Variants in KCNG4 observed in about 807,000 individuals in gnomAD.
KCNG4 encodes voltage-gated potassium channel regulatory subunit KCNG4.
A neutral mutation model predicts 28.2 loss-of-function variants in KCNG4; 30 were observed. That is an observed-to-expected ratio of 1.06 (90% CI 0.80 to 1.44). The LOEUF is 1.44. KCNG4 is among the 40% of genes most tolerant of loss of function. The pLI is 0.00. For synonymous variants in KCNG4, 375 were observed against 315.5 expected (o/e 1.19, Z -2.00); for missense variants, 879 against 712.3 (o/e 1.23, Z -2.66).
rs773643587 is a variant in KCNG4 at position 84,237,009 on chromosome 16, C to A, written c.477G>T (p.Arg159Ser). The change falls in exon 2 of 3, where the codon AGG becomes AGT. Residue 159 changes from arginine to serine, a missense_variant. By Grantham distance (110) the Arg-to-Ser change is moderately radical (BLOSUM62 -1). Transcript: ENST00000308251. ...YWGIEEAHLE[R>S]CCLRKLLRKL... is the part of the protein sequence containing the mutation. The stretch of plus-strand genomic sequence containing the variant: ...TCCTCAGCAGCTTCCGCAGGCAGCA[C>A]CTCTCCAGGTGGGCCTCCTCGATGC... 4.3e-5 allele frequency: 70 copies of A among 1,613,996 alleles called. No homozygotes were observed. Among genetic ancestry groups the A allele is most frequent in the Non-Finnish European group, 5.8e-5 (68 of 1,180,034 alleles).
At chr16:84,229,274 C>T (rs1040185995) in intron 2 of KCNG4, among the ~76,000 whole-genome samples, 4 of 148,408 alleles carry the variant, frequency 2.7e-5, no homozygotes, top group Admixed American at 2.0e-4. Flanking sequence ...GCCTGGGCAA[C>T]AGAGCAAGAC....
Position 84,234,030 on chromosome 16 carries a change from G to A in KCNG4, c.756+2700C>T, listed in dbSNP as rs1904884567. Among the ~76,000 whole-genome samples the A allele has an allele frequency of 3.9e-5, 6 of 152,280 alleles. No individual in the cohort carries two copies. In the South Asian group the frequency reaches 1.0e-3, roughly 26 times the overall value. On this transcript the variant is annotated intron_variant, in intron 2 of 2. Transcript: ENST00000308251. ...CCACGGTGTGAAATGCCAGCCTCAC[G>A]AGCGGCACTTAGGAGGCATCGGTTC...
intron 2 of KCNG4, chr16:84,235,727 T>C (rs950481843): frequency 2.0e-5 from 3 of 152,326 alleles, no homozygotes; most frequent in South Asian, 2.1e-4. Context: ...AGGAGCCAAA[T>C]AGAGCAAGCA....
rs150146918 is a variant in KCNG4, at chr16:84,237,356, C to G, written c.130G>C (p.Val44Leu). The G allele has an allele frequency of 1.9e-6, 3 of 1,563,980 alleles. No individual in the cohort carries two copies. The highest frequency in any genetic ancestry group is 1.7e-4 in the Middle Eastern group (1 of 5,800). ...PSIKGLYYRR[V>L]RKVGALDASP... is the part of the protein sequence containing the mutation. ...GCGTCCAGGGCACCCACCTTCCGCA[C>G]CCTCCGGTAGTAAAGGCCCTTGATG... is the stretch of plus-strand genomic sequence containing the variant. The change falls in exon 2 of 3, where the codon GTG becomes CTG. Residue 44 changes from valine to leucine, a missense_variant. Coordinates refer to ENST00000308251, the MANE Select transcript of KCNG4 (RefSeq NM_172347.3).
Position 84,237,436 on chromosome 16 carries a change from T to TG in KCNG4, c.49_50insC (p.Tyr17SerfsTer87). The stretch of plus-strand genomic sequence containing the variant: ...CTGACTCCAAGGGCTGTGGGAACCA[T>TG]AGTGGTGGTGTCTGGGATGCAGGCC... On this transcript the variant is annotated frameshift_variant, in exon 2 of 3. Transcript: ENST00000308251. LOFTEE classifies it high-confidence loss of function. 8.6e-6 allele frequency: 13 copies of TG among 1,511,410 alleles called. No homozygotes were observed. Among genetic ancestry groups the TG allele is most frequent in the Non-Finnish European group, 1.1e-5 (13 of 1,131,010 alleles). 93.6% of individuals were successfully genotyped at this position (1,511,410 alleles called of 1,614,324 possible). A position where few individuals can be genotyped will look rare whatever the true frequency, so the allele number is the denominator to read the frequency against.
At chr16:84,224,335 G>T (rs1163253406) in intron 2 of KCNG4, among the ~76,000 whole-genome samples, 5 of 151,868 alleles carry the variant, frequency 3.3e-5, no homozygotes, top group African/African-American at 1.2e-4. Context: ...CTGCACAGTA[G>T]AATTTTCCAG....
rs1033073336 is a variant in KCNG4, at chr16:84,222,037, C to T, written c.*180G>A. On this transcript the variant is annotated 3_prime_UTR_variant, in exon 3 of 3. Coordinates refer to ENST00000308251, the MANE Select transcript of KCNG4 (RefSeq NM_172347.3). ...GCTGGACACAGTCAGCCTGGGACAT[C>T]GGGGCCCCGAGGGACAAGGATCACA... 18 of 674,284 alleles carry T rather than the reference C, an allele frequency of 2.7e-5. 1 individual carries two copies. Among genetic ancestry groups the T allele is most frequent in the Non-Finnish European group, 4.1e-5 (16 of 394,024 alleles). The allele number at this position is 674,284 out of a possible 1,614,324, so 41.8% of individuals were successfully genotyped here. A position where few individuals can be genotyped will look rare whatever the true frequency, so the allele number is the denominator to read the frequency against.
At chr16:84,238,749 TC>T (rs1368865152) in intron 1 of KCNG4, among the ~76,000 whole-genome samples, 1 of 152,130 alleles carries the variant, frequency 6.6e-6, no homozygotes, top group East Asian at 1.9e-4. Flanking sequence ...GTACCTGTAG[TC>T]CCAGCTACTC....
At chr16:84,234,460 T>G (rs532857425) in intron 2 of KCNG4, among the ~76,000 whole-genome samples, 51 of 152,294 alleles carry the variant, frequency 3.3e-4, no homozygotes, top group African/African-American at 1.2e-3. Flanking sequence ...CTTACAGGCG[T>G]GAGCCACTGC....
chr16:84,226,714 A>G lies in KCNG4; in HGVS notation c.757-3694T>C, dbSNP rs1597617074. ...ACCAATATGGTGAAACCTTGTCGCT[A>G]CTAAAAATACAAAAATTAGCCAGGC... On this transcript the variant is annotated intron_variant, in intron 2 of 2. Coordinates refer to ENST00000308251, the MANE Select transcript of KCNG4 (RefSeq NM_172347.3). The surrounding 1 kb of genome is among the most constrained non-coding windows in gnomAD (Gnocchi z 4.1). Among the ~76,000 whole-genome samples, 1 of 151,392 alleles carries G rather than the reference A, an allele frequency of 6.6e-6. No individual in the cohort carries two copies. Among genetic ancestry groups the G allele is most frequent in the African/African-American group, 2.4e-5 (1 of 41,338 alleles).
chr16:84,224,851 C>T (rs975391095), intron 2 of KCNG4, among the ~76,000 whole-genome samples: 9 of 152,222 alleles, frequency 5.9e-5, no homozygotes, highest in Admixed American at 6.5e-5. Flanking sequence ...GAATCAGGAA[C>T]TTTCTGTGCC....
chr16:84,222,680 C>T lies in KCNG4; in HGVS notation c.1097G>A (p.Arg366His), dbSNP rs753033004. ...GLQTLGLTVR[R>H]CTREFGLLLL... ...GAGCAGGCCGAACTCACGTGTGCAA[C>T]GGCGCACGGTGAGCCCCAGCGTCTG... Residue 366 changes from arginine to histidine, a missense_variant, in exon 3 of 3, where the codon CGT becomes CAT. Transcript: ENST00000308251. 2.6e-5 allele frequency: 42 copies of T among 1,613,036 alleles called. No individual in the cohort carries two copies. Among genetic ancestry groups the T allele is most frequent in the Non-Finnish European group, 3.1e-5 (36 of 1,179,816 alleles).
intron 2 of KCNG4, among the ~76,000 whole-genome samples, chr16:84,230,542 A>C (rs1904804837): frequency 6.6e-6 from 1 of 152,122 alleles, no homozygotes; most frequent in African/African-American, 2.4e-5. Context: ...ACTGCACTCC[A>C]GCCTGGGTGA....
intron 2 of KCNG4, among the ~76,000 whole-genome samples, chr16:84,227,960 G>A (rs1050303663): frequency 6.6e-6 from 1 of 152,056 alleles, no homozygotes; most frequent in South Asian, 2.1e-4. Context: ...GCTCCACGAT[G>A]ATACTAAAGA....
intron 2 of KCNG4, chr16:84,236,257 T>G: frequency 1.2e-5 from 2 of 166,526 alleles, no homozygotes; most frequent in Non-Finnish European, 1.3e-5. Flanking sequence ...AAGGCAGGGA[T>G]TTTATGTTTT....
rs1374985780 is a variant in KCNG4, at chr16:84,226,650, G to C, written c.757-3630C>G. Among the ~76,000 whole-genome samples the C allele has an allele frequency of 1.3e-5, 2 of 151,504 alleles. No homozygotes were observed. Among genetic ancestry groups the C allele is most frequent in the African/African-American group, 4.9e-5 (2 of 41,178 alleles). ...TCCCAGCACTTTGGGAGGGCAAGGTGGGTGGATCACCTGAGGTCAGGAGTT... is the reference window on the plus strand; with the variant it reads ...TCCCAGCACTTTGGGAGGGCAAGGTCGGTGGATCACCTGAGGTCAGGAGTT... On this transcript the variant is annotated intron_variant, in intron 2 of 2. Transcript: ENST00000308251. The surrounding 1 kb of genome is among the most constrained non-coding windows in gnomAD (Gnocchi z 4.1).
intron 2 of KCNG4, among the ~76,000 whole-genome samples, chr16:84,232,930 C>A (rs1264546716): frequency 6.7e-6 from 1 of 150,128 alleles, no homozygotes; most frequent in Non-Finnish European, 1.5e-5. Flanking sequence ...AGCAGGGCTG[C>A]TCAGAATCTA....
chr16:84,233,812 A>G (rs566183137), intron 2 of KCNG4, among the ~76,000 whole-genome samples: 120 of 152,282 alleles, frequency 7.9e-4, no homozygotes, highest in African/African-American at 2.7e-3. Context: ...AAGGAAAGAA[A>G]GATGGTATCA....
At position 84,225,916 on chromosome 16, in the gene KCNG4, G is replaced by A. The variant is rs186134684; in HGVS notation, c.757-2896C>T. ...CCTCAGAAATGCTGGCATTGGGGCAGGGGGTGTTTATGGAGTGTGGGCAGA... is the reference window on the plus strand; with the variant it reads ...CCTCAGAAATGCTGGCATTGGGGCAAGGGGTGTTTATGGAGTGTGGGCAGA... On this transcript the variant is annotated intron_variant, in intron 2 of 2. Coordinates refer to ENST00000308251, the MANE Select transcript of KCNG4 (RefSeq NM_172347.3). Among the ~76,000 whole-genome samples the A allele has an allele frequency of 1.3e-3, 198 of 152,366 alleles. 2 individuals are homozygous for A. Among genetic ancestry groups the A allele is most frequent in the Admixed American group, 0.012 (189 of 15,304 alleles).
Sources: allele counts gnomAD v4.1 joint callset (sites outside exome capture counted in the v4.1 genomes callset), GRCh38; gene constraint gnomAD v4.1.1; non-coding constraint Gnocchi (gnomAD v3.1); transcripts MANE v1.5; gene names NCBI Gene and HGNC (gene_info 2026-07-23, HGNC 2026-07-21).